Variants in UTP20 observed in about 807,000 individuals in gnomAD.
The protein encoded by UTP20 is UTP20 small subunit processome component.
A neutral mutation model predicts 329.5 loss-of-function variants in UTP20; 164 were observed. That is an observed-to-expected ratio of 0.50 (90% confidence interval 0.44 to 0.57). The LOEUF is 0.57. Ranked by LOEUF, UTP20 falls within the 20% of genes least tolerant of loss-of-function variation. The probability of loss-of-function intolerance (pLI) is 0.00; values close to 1 mark genes in which losing one functional copy is unlikely to be tolerated. For missense variants in UTP20, 3,055 were observed against 3,284.2 expected (o/e 0.93, Z 1.71); for synonymous variants, 1,151 against 1,159.3 (o/e 0.99, Z 0.14).
Position 101,386,215 on chromosome 12 carries a change from T to TG in UTP20, c.*92_*93insG, listed in dbSNP as rs1205959456. 6.5e-5 allele frequency: 72 copies of TG among 1,103,758 alleles called. No homozygotes were observed. Among genetic ancestry groups the TG allele is most frequent in the Non-Finnish European group, 8.1e-5 (64 of 787,526 alleles). The allele number at this position is 1,103,758 out of a possible 1,614,324, so 68.4% of individuals were successfully genotyped here. A position where few individuals can be genotyped will look rare whatever the true frequency, so the allele number is the denominator to read the frequency against. Reference sequence around the variant, plus strand: ...TTGTCTGGGGTAGGGGGGAGGCGTTTTTTTTTTTTTTTGAGACAAGGTCTC... The same window carrying TG: ...TTGTCTGGGGTAGGGGGGAGGCGTTTGTTTTTTTTTTTTGAGACAAGGTCTC... On this transcript the variant is annotated 3_prime_UTR_variant, in exon 62 of 62. Coordinates refer to ENST00000261637, the MANE Select transcript of UTP20 (RefSeq NM_014503.3).
At position 101,328,830 on chromosome 12, in the gene UTP20, G is replaced by A. The variant is rs150367508; in HGVS notation, c.3209-411G>A. Among the ~76,000 whole-genome samples, 67 of 148,390 alleles carry A rather than the reference G, an allele frequency of 4.5e-4. 1 individual carries two copies. The highest frequency in any genetic ancestry group is 1.7e-3 in the African/African-American group (67 of 40,250). On this transcript the variant is annotated intron_variant, in intron 26 of 61. Transcript: ENST00000261637. ...ATTGCAGTGAGCCGAGATCGCCCCAGTGCACTCCAGCCTGGGCGACAGAGT... is the reference window on the plus strand; with the variant it reads ...ATTGCAGTGAGCCGAGATCGCCCCAATGCACTCCAGCCTGGGCGACAGAGT...
chr12:101,283,540 T>C (rs919733289), intron 2 of UTP20, among the ~76,000 whole-genome samples: 7 of 152,172 alleles, frequency 4.6e-5, no homozygotes, highest in African/African-American at 1.7e-4. Context: ...CAGAGTTACC[T>C]TGCAAAAGGA....
Position 101,286,441 on chromosome 12 carries a change from C to A in UTP20, c.447C>A (p.Phe149Leu). Residue 149 changes from phenylalanine to leucine, a missense_variant, in exon 5 of 62, where the codon TTC (phenylalanine) becomes TTA (leucine). Coordinates refer to ENST00000261637, the MANE Select transcript of UTP20 (RefSeq NM_014503.3). ...TQDTELLEWA[F>L]TSLSYLYKYL... ...ACACAGAGTTGTTAGAATGGGCTTT[C>A]ACCTCGTTATCATATCTTTATAAGT... The A allele has an allele frequency of 6.2e-7, 1 of 1,613,970 alleles. No individual in the cohort carries two copies. Among genetic ancestry groups the A allele is most frequent in the East Asian group, 2.2e-5 (1 of 44,880 alleles).
chr12:101,372,746 G>T, intron 51 of UTP20, 138 bp from the exon 52 acceptor site: 1 of 638,028 alleles, frequency 1.6e-6, no homozygotes. Flanking sequence ...AGATTTAGCT[G>T]GAGTGCATTG....
chr12:101,382,391 C>T (rs1180952477), intron 58 of UTP20, among the ~76,000 whole-genome samples: 2 of 152,044 alleles, frequency 1.3e-5, no homozygotes, highest in African/African-American at 4.8e-5. Flanking sequence ...AAGTGAGACT[C>T]TGTCTCAAAA....
rs1344748477 is a variant in UTP20 at position 101,381,152 on chromosome 12, T to G, written c.7597T>G (p.Ser2533Ala). 1 of 1,613,802 alleles carries G rather than the reference T, an allele frequency of 6.2e-7. No homozygotes were observed. Among genetic ancestry groups the G allele is most frequent in the South Asian group, 1.1e-5 (1 of 91,076 alleles). ...SDLDQKMKSI[S>A]LASCHQLHSK... ...TTTCTTTTCACAGATGAAAAGTATC[T>G]CTCTCGCCTCTTGCCATCAATTGCA... The change falls in exon 58 of 62, where the codon TCT (serine) becomes GCT (alanine). Residue 2533 changes from serine to alanine, a missense_variant. By Grantham distance (99) the Ser-to-Ala change is moderately conservative. This residue lies in a region of UTP20 where 337 missense variants were observed against 345.5 expected (regional missense o/e 0.98). Transcript: ENST00000261637.
intron 54 of UTP20, among the ~76,000 whole-genome samples, chr12:101,374,192 G>A (rs1020627678): frequency 2.0e-5 from 3 of 149,400 alleles, no homozygotes; most frequent in Admixed American, 6.7e-5. Flanking sequence ...CCGAGGTCCC[G>A]CCACTGCACT....
intron 58 of UTP20, 91 bp downstream of exon 58, chr12:101,381,302 C>T (rs550747278): frequency 1.0e-4 from 116 of 1,108,880 alleles, no homozygotes; most frequent in Middle Eastern, 2.0e-4. Context: ...GAGGCCGAGG[C>T]GGCCAGATCA....
chr12:101,328,312 A>G (rs1868637115), intron 26 of UTP20, among the ~76,000 whole-genome samples: 1 of 152,222 alleles, frequency 6.6e-6, no homozygotes, highest in African/African-American at 2.4e-5. Context: ...GTATGAATCC[A>G]TAAGCTCATG....
chr12:101,312,882 G>T (rs900403309), intron 21 of UTP20, among the ~76,000 whole-genome samples: 2 of 152,082 alleles, frequency 1.3e-5, no homozygotes, highest in Non-Finnish European at 2.9e-5. Context: ...CACACCAGTG[G>T]TATTAATAAA....
Position 101,343,030 on chromosome 12 carries a change from A to T in UTP20, c.4386A>T (p.Glu1462Asp). ...TFQTITSYIK[E>D]MQIVDVNYLI... The stretch of plus-strand genomic sequence containing the variant: ...AGACCATCACCTCTTACATTAAAGA[A>T]ATGCAAATTGTGGATGTTAACTACC... Residue 1462 changes from glutamate to aspartate, a missense_variant, in exon 35 of 62, where the codon GAA becomes GAT. Coordinates refer to ENST00000261637, the MANE Select transcript of UTP20 (RefSeq NM_014503.3). 6.2e-7 allele frequency: 1 copy of T among 1,613,602 alleles called. No homozygotes were observed.
At chr12:101,366,824 T>C (rs2121015129) in intron 47 of UTP20, 125 bp downstream of exon 47, 2 of 1,284,100 alleles carry the variant, frequency 1.6e-6, no homozygotes, top group Admixed American at 2.6e-5. Context: ...ATTTTAGATT[T>C]TTTTTTTTTA....
At chr12:101,341,189 G>A (rs1034210795) in intron 32 of UTP20, among the ~76,000 whole-genome samples, 9 of 151,906 alleles carry the variant, frequency 5.9e-5, no homozygotes, top group Admixed American at 2.0e-4. Flanking sequence ...TGTTGGCCAG[G>A]CTGGCCTGGA....
chr12:101,374,048 A>T (rs960169665), intron 54 of UTP20, among the ~76,000 whole-genome samples: 1 of 151,914 alleles, frequency 6.6e-6, no homozygotes, highest in Non-Finnish European at 1.5e-5. Flanking sequence ...ATCCCGGCTA[A>T]AACGGTGAAA....
At chr12:101,300,732 GTCAT>G (rs1470503950) in intron 14 of UTP20, among the ~76,000 whole-genome samples, 1 of 152,110 alleles carries the variant, frequency 6.6e-6, no homozygotes, top group African/African-American at 2.4e-5. Flanking sequence ...GTATATAGTG[GTCAT>G]TCATTCACTT....
At chr12:101,288,839 T>G in intron 5 of UTP20, 121 bp from the exon 6 acceptor site, 1 of 835,266 alleles carries the variant, frequency 1.2e-6, no homozygotes, top group South Asian at 1.6e-5. Context: ...TTAAATTTGT[T>G]TGATACCTGC....
intron 12 of UTP20, 124 bp from the exon 13 acceptor site, chr12:101,299,558 C>T: frequency 1.1e-6 from 1 of 875,704 alleles, no homozygotes; most frequent in East Asian, 2.7e-5. Context: ...TTTAGCTCAA[C>T]CACCACCACC....
In UTP20 at chr12:101,386,048, A is replaced by AGAG. The variant is rs1285261944; in HGVS notation, c.8284_8286dup (p.Glu2762dup). ...AAAGTGAAGCAAAGAAGAGAAAGAT[A>AGAG]GAGTTCCTGCGTCCAGGATATAAGG... On this transcript the variant is annotated inframe_insertion, in exon 62 of 62. Transcript: ENST00000261637. 1.2e-6 allele frequency: 2 copies of AGAG among 1,609,716 alleles called. No homozygotes were observed. Among genetic ancestry groups the AGAG allele is most frequent in the Admixed American group, 1.7e-5 (1 of 58,244 alleles).
chr12:101,380,741 G>A (rs777578714), intron 57 of UTP20, among the ~76,000 whole-genome samples: 5 of 151,818 alleles, frequency 3.3e-5, no homozygotes, highest in Non-Finnish European at 7.4e-5. Context: ...GTAGGTGCCT[G>A]TAATCCCAGC....
Sources: gnomAD v4.1 joint callset for allele counts (sites outside exome capture counted in the v4.1 genomes callset) on GRCh38, gnomAD v4.1.1 for gene constraint, gnomAD v4.1.1 regional missense constraint, MANE v1.5 for transcripts, NCBI Gene and HGNC (gene_info 2026-07-23, HGNC 2026-07-21) for gene names.